The following KANK1 variants were observed in gnomAD, a reference collection of about 807,000 sequenced individuals.
KANK1 encodes KN motif and ankyrin repeat domain-containing protein 1.
In KANK1, 109 loss-of-function variants were observed where a neutral mutation model predicts 106.2. The observed-to-expected ratio is 1.03, with a 90% CI of 0.88 to 1.20. The LOEUF is 1.20. KANK1 is among the 50% of genes most tolerant of loss of function. KANK1 has a pLI of 0.00. For synonymous variants in KANK1, 873 were observed against 652.2 expected (o/e 1.34, Z -5.16); for missense variants, 2,399 against 1,710.7 (o/e 1.40, Z -7.10).
At chr9:515,311 C>T (rs563091138) in intron 1 of KANK1, among the ~76,000 whole-genome samples, 2 of 149,778 alleles carry the variant, frequency 1.3e-5, no homozygotes, top group Non-Finnish European at 2.9e-5. Context: ...TGCCACTGCC[C>T]TCCAGCCTGG....
At chr9:670,835 C>T (rs1419773669) in intron 1 of KANK1, among the ~76,000 whole-genome samples, 2 of 151,752 alleles carry the variant, frequency 1.3e-5, no homozygotes, top group Non-Finnish European at 2.9e-5. Context: ...CTTAATCTCA[C>T]TTTTTCCAGT....
intron 1 of KANK1, among the ~76,000 whole-genome samples, chr9:568,930 G>T (rs765805563): frequency 6.6e-6 from 1 of 152,138 alleles, no homozygotes; most frequent in African/African-American, 2.4e-5. Flanking sequence ...AAATGGGATC[G>T]ATTTCCACAC....
At chr9:648,689 C>A (rs1259128290) in intron 1 of KANK1, among the ~76,000 whole-genome samples, 1 of 152,156 alleles carries the variant, frequency 6.6e-6, no homozygotes, top group Admixed American at 6.5e-5. Flanking sequence ...GGGGAGCTCA[C>A]GTCTTTGAGC....
At chr9:652,124 C>G (rs754922585) in intron 1 of KANK1, among the ~76,000 whole-genome samples, 1 of 152,166 alleles carries the variant, frequency 6.6e-6, no homozygotes, top group African/African-American at 2.4e-5. Flanking sequence ...CTCACAGATT[C>G]ATTTCTTGTA....
intron 1 of KANK1, among the ~76,000 whole-genome samples, chr9:672,787 A>G (rs1053861778): frequency 6.6e-6 from 1 of 152,230 alleles, no homozygotes; most frequent in African/African-American, 2.4e-5. Flanking sequence ...TTGGCGATCT[A>G]CTAAAACATG....
At chr9:733,212 C>A (rs10815570) in intron 6 of KANK1, 1 of 152,032 alleles carries the variant, frequency 6.6e-6, no homozygotes, top group African/African-American at 2.4e-5. Context: ...TTTTCAAGAC[C>A]ATTAGATAAG....
At position 679,483 on chromosome 9, in the gene KANK1, C is replaced by T. The variant is rs190795515; in HGVS notation, c.37+2474C>T. On this transcript the variant is annotated intron_variant, in intron 2 of 11. Transcript: ENST00000382297. The stretch of plus-strand genomic sequence containing the variant: ...AGGCTGGAGTGCAGTGGCACGATAT[C>T]GGCTCACTGCAACCTCTGCCTCCTG... Among the ~76,000 whole-genome samples the T allele has an allele frequency of 1.9e-3, 296 of 152,168 alleles. 3 individuals are homozygous for T. Among genetic ancestry groups the T allele is most frequent in the African/African-American group, 6.7e-3 (280 of 41,498 alleles).
At chr9:583,786 T>C (rs2135374128) in intron 1 of KANK1, among the ~76,000 whole-genome samples, 1 of 151,842 alleles carries the variant, frequency 6.6e-6, no homozygotes, top group South Asian at 2.1e-4. Flanking sequence ...TATGAAAAGG[T>C]ATTCCAGATC....
At position 731,281 on chromosome 9, in the gene KANK1, T is replaced by C; in HGVS notation, c.3005+15T>C. The stretch of plus-strand genomic sequence containing the variant: ...ATTAATGGAGGGTAAGGAAAGATGG[T>C]GGTTCTAGAGGCTAATGCTGTCAGT... On this transcript the variant is annotated intron_variant, in intron 5 of 11. Transcript: ENST00000382297. The C allele has an allele frequency of 6.8e-7, 1 of 1,480,722 alleles. No homozygotes were observed. Among genetic ancestry groups the C allele is most frequent in the Non-Finnish European group, 9.4e-7 (1 of 1,060,788 alleles). The allele number at this position is 1,480,722 out of a possible 1,614,324, so 91.7% of individuals were successfully genotyped here.
At chr9:567,025 T>G (rs1817976813) in intron 1 of KANK1, among the ~76,000 whole-genome samples, 1 of 152,176 alleles carries the variant, frequency 6.6e-6, no homozygotes, top group Admixed American at 6.5e-5. Flanking sequence ...TTGTATATGA[T>G]GTAAGGAAGG....
chr9:504,772 G>GCTGTGCCGCGCC lies in KANK1; in HGVS notation c.-84+19_-84+20insTGTGCCGCGCCC, dbSNP rs1564132467. The GCTGTGCCGCGCC allele has an allele frequency of 5.3e-4, 79 of 148,392 alleles. No homozygotes were observed. Among genetic ancestry groups the GCTGTGCCGCGCC allele is most frequent in the African/African-American group, 1.8e-3 (74 of 40,344 alleles). The allele number at this position is 148,392 out of a possible 1,614,324, so 9.2% of individuals were successfully genotyped here. A position where few individuals can be genotyped will look rare whatever the true frequency, so the allele number is the denominator to read the frequency against. Reference sequence around the variant, plus strand: ...GGCCGAAGGTGAGTGACGCGGCGGGGCCGTGCCGCGCCCCGTGCCGCGGCG... The same window carrying GCTGTGCCGCGCC: ...GGCCGAAGGTGAGTGACGCGGCGGGGCTGTGCCGCGCCCCGTGCCGCGCCCCGTGCCGCGGCG... On this transcript the variant is annotated intron_variant, in intron 1 of 11. Coordinates refer to ENST00000382297, the MANE Select transcript of KANK1 (RefSeq NM_015158.5).
rs535730735 is a variant in KANK1 at position 702,374 on chromosome 9, A to G, written c.38-8430A>G. Among the ~76,000 whole-genome samples the G allele has an allele frequency of 1.2e-4, 18 of 152,200 alleles. 1 individual carries two copies. The East Asian group carries it at 2.5e-3, about 21-fold the overall frequency. On this transcript the variant is annotated intron_variant, in intron 2 of 11. Transcript: ENST00000382297. ...CACTTCTGCCTTTAATTACTTTTCT[A>G]TGCACCCCATCCCCACTAGACTGTG...
chr9:644,344 G>C (rs747646535), intron 1 of KANK1, among the ~76,000 whole-genome samples: 4 of 150,928 alleles, frequency 2.7e-5, no homozygotes, highest in Non-Finnish European at 5.9e-5. Flanking sequence ...CTACCCTTTT[G>C]AGAAGCATTA....
At chr9:623,230 G>A (rs553891942) in intron 1 of KANK1, among the ~76,000 whole-genome samples, 1 of 152,058 alleles carries the variant, frequency 6.6e-6, no homozygotes, top group African/African-American at 2.4e-5. Context: ...AAAAAAAGTG[G>A]AGGTGGGGCA....
At position 735,579 on chromosome 9, in the gene KANK1, C is replaced by A. The variant is rs148849776; in HGVS notation, c.3333+744C>A. The stretch of plus-strand genomic sequence containing the variant: ...GTGCATTGAGAAAATGTAGGATCCC[C>A]TAAGGATACCGAAATGCACAGATAC... On this transcript the variant is annotated intron_variant, in intron 7 of 11. Transcript: ENST00000382297. 6.5e-5 allele frequency: 12 copies of A among 184,820 alleles called. No individual in the cohort carries two copies. In the East Asian group the frequency reaches 1.5e-3, roughly 24 times the overall value. The allele number at this position is 184,820 out of a possible 1,614,324, so 11.4% of individuals were successfully genotyped here.
chr9:583,021 G>T (rs1314671914), intron 1 of KANK1, among the ~76,000 whole-genome samples: 1 of 152,160 alleles, frequency 6.6e-6, no homozygotes, highest in African/African-American at 2.4e-5. Flanking sequence ...TAATAGTAAA[G>T]ATATGTCATA....
chr9:699,635 C>T (rs1822170282), intron 2 of KANK1, among the ~76,000 whole-genome samples: 1 of 152,218 alleles, frequency 6.6e-6, no homozygotes, highest in South Asian at 2.1e-4. Context: ...ATCATATAAA[C>T]AAACCAAGCC....
intron 2 of KANK1, among the ~76,000 whole-genome samples, chr9:692,907 TGGGA>T (rs755525921): frequency 6.6e-6 from 1 of 151,920 alleles, no homozygotes; most frequent in Non-Finnish European, 1.5e-5. Flanking sequence ...GAGGCTGAGG[TGGGA>T]GGATCACATG....
At chr9:550,399 C>T (rs1360897597) in intron 1 of KANK1, among the ~76,000 whole-genome samples, 1 of 152,186 alleles carries the variant, frequency 6.6e-6, no homozygotes, top group Non-Finnish European at 1.5e-5. Flanking sequence ...GATTGCAGAT[C>T]TCGAACAGTA....
Sources: gnomAD v4.1 joint callset for allele counts (sites outside exome capture counted in the v4.1 genomes callset) on GRCh38, gnomAD v4.1.1 for gene constraint, MANE v1.5 for transcripts, NCBI Gene and HGNC (gene_info 2026-07-23, HGNC 2026-07-21) for gene names.